Variants in SMARCAD1 observed in about 807,000 individuals in gnomAD.
SMARCAD1 encodes SNF2 related chromatin remodeling ATPase with DExD box 1, also known as SWI/SNF-related matrix-associated actin-dependent regulator of chromatin subfamily A containing DEAD/H box 1.
Under a neutral mutation model 127.1 loss-of-function variants are expected in SMARCAD1, and 25 were observed. That is an observed-to-expected ratio of 0.20 (90% CI 0.14 to 0.27). The LOEUF is 0.27. Among genes scored for constraint, SMARCAD1 ranks in the 10% least tolerant of loss-of-function variants. The pLI is 1.00. For synonymous variants in SMARCAD1, 400 were observed against 396.9 expected (o/e 1.01, Z -0.09); for missense variants, 807 against 1,206.0 (o/e 0.67, Z 4.90).
intron 10 of SMARCAD1, among the ~76,000 whole-genome samples, chr4:94,266,637 G>A (rs1249504816): frequency 6.6e-6 from 1 of 152,052 alleles, no homozygotes; most frequent in Admixed American, 6.6e-5. Context: ...TACTTAGTAT[G>A]TAGACATTTA....
In SMARCAD1 at chr4:94,290,054, A is replaced by T. The variant is rs781625529; in HGVS notation, c.*520A>T. The T allele has an allele frequency of 2.2e-5, 10 of 454,492 alleles. No individual in the cohort carries two copies. The highest frequency in any genetic ancestry group is 1.4e-4 in the South Asian group (9 of 64,474). The allele number at this position is 454,492 out of a possible 1,614,324, so 28.2% of individuals were successfully genotyped here. ...TTGCTATTTGAAGCAGATGTTCACC[A>T]ATGTCAGCAAGAACTCAACCTGAAT... On this transcript the variant is annotated 3_prime_UTR_variant, in exon 24 of 24. Transcript: ENST00000354268.
chr4:94,283,049 A>G, intron 21 of SMARCAD1, 72 bp from the exon 22 acceptor site: 1 of 1,292,858 alleles, frequency 7.7e-7, no homozygotes, highest in East Asian at 2.4e-5. Flanking sequence ...TCATGTGATA[A>G]TGATTGTTTT....
intron 16 of SMARCAD1, among the ~76,000 whole-genome samples, chr4:94,277,385 A>G (rs1172176160): frequency 6.6e-6 from 1 of 151,520 alleles, no homozygotes; most frequent in Non-Finnish European, 1.5e-5. Flanking sequence ...TTAATATCCT[A>G]ATTTTCTGAA....
rs1294202989 is a variant in SMARCAD1, at chr4:94,250,758, A to C, written c.814A>C (p.Arg272=). 1.9e-6 allele frequency: 3 copies of C among 1,594,594 alleles called. No individual in the cohort carries two copies. The highest frequency in any genetic ancestry group is 2.6e-6 in the Non-Finnish European group (3 of 1,172,770). Reference sequence around the variant, plus strand: ...ATAAATGACTTATTTCTAGGAACTTAGAGAAGTACTCAAGGAACATGAATG... The same window carrying C: ...ATAAATGACTTATTTCTAGGAACTTCGAGAAGTACTCAAGGAACATGAATG... The part of the protein sequence containing the change: ...EFPNFDKQEL[R]EVLKEHEWMY... The change falls in exon 8 of 24, where the codon AGA becomes CGA. Residue 272 remains arginine, a synonymous_variant. Transcript: ENST00000354268.
intron 3 of SMARCAD1, among the ~76,000 whole-genome samples, chr4:94,227,406 G>A (rs943851082): frequency 6.6e-6 from 1 of 152,194 alleles, no homozygotes; most frequent in African/African-American, 2.4e-5. Context: ...TGAGGGAGCA[G>A]TAGTAAAAGC....
chr4:94,290,249 T>C lies in SMARCAD1; in HGVS notation c.*715T>C. On this transcript the variant is annotated 3_prime_UTR_variant, in exon 24 of 24. Coordinates refer to ENST00000354268, the MANE Select transcript of SMARCAD1 (RefSeq NM_020159.5). Reference sequence around the variant, plus strand: ...TCTGTTCATTTTCCAACTGCACTAATTGTGCATATTACTCTGCCTAATCTT... The same window carrying C: ...TCTGTTCATTTTCCAACTGCACTAACTGTGCATATTACTCTGCCTAATCTT... 2.2e-6 allele frequency: 1 copy of C among 454,564 alleles called. No individual in the cohort carries two copies. Among genetic ancestry groups the C allele is most frequent in the Non-Finnish European group, 4.4e-6 (1 of 226,780 alleles). The allele number at this position is 454,564 out of a possible 1,614,324, so 28.2% of individuals were successfully genotyped here.
intron 3 of SMARCAD1, among the ~76,000 whole-genome samples, chr4:94,229,298 A>G (rs549448914): frequency 6.6e-6 from 1 of 152,298 alleles, no homozygotes; most frequent in South Asian, 2.1e-4. Flanking sequence ...TATACTAACC[A>G]GTGTTCTAGA....
In SMARCAD1 at chr4:94,290,887, C is replaced by T. The variant is rs887043270; in HGVS notation, c.*1353C>T. 8 of 453,386 alleles carry T rather than the reference C, an allele frequency of 1.8e-5. No individual in the cohort carries two copies. Among genetic ancestry groups the T allele is most frequent in the African/African-American group, 6.0e-5 (3 of 49,938 alleles). 28.1% of individuals were successfully genotyped at this position (453,386 alleles called of 1,614,324 possible). ...TAACTTGCTAAGATGCTAGGTAGTA[C>T]GACCCTCTGGATTTGGAAGGCAAAT... On this transcript the variant is annotated 3_prime_UTR_variant, in exon 24 of 24. Coordinates refer to ENST00000354268, the MANE Select transcript of SMARCAD1 (RefSeq NM_020159.5).
At chr4:94,265,811 A>G (rs1751663724) in intron 10 of SMARCAD1, among the ~76,000 whole-genome samples, 1 of 152,084 alleles carries the variant, frequency 6.6e-6, no homozygotes, top group Non-Finnish European at 1.5e-5. Flanking sequence ...ATACTTTGCA[A>G]TGTTACACAA....
rs1744997952 is a variant in SMARCAD1 at position 94,226,394 on chromosome 4, T to G, written c.368+98T>G. 2.8e-5 allele frequency: 20 copies of G among 719,470 alleles called. 2 individuals are homozygous for G. In the South Asian group the frequency reaches 3.3e-4, roughly 12 times the overall value. 44.6% of individuals were successfully genotyped at this position (719,470 alleles called of 1,614,324 possible). On this transcript the variant is annotated intron_variant, in intron 3 of 23. Transcript: ENST00000354268. ...AGATATTTTGGTGACTTCCCTTTTT[T>G]TTTTTTTCTTTTTTTTTTTTGCCCC...
At chr4:94,261,675 T>C (rs1751011556) in intron 9 of SMARCAD1, among the ~76,000 whole-genome samples, 1 of 152,180 alleles carries the variant, frequency 6.6e-6, no homozygotes, top group African/African-American at 2.4e-5. Flanking sequence ...TGCAGTGGCG[T>C]CTTGGCTCAC....
intron 3 of SMARCAD1, 105 bp downstream of exon 3, chr4:94,226,401 T>TTA: frequency 7.2e-6 from 4 of 557,870 alleles, no homozygotes; most frequent in Admixed American, 5.0e-5. Flanking sequence ...TTTTTTTTTT[T>TTA]CTTTTTTTTT....
At chr4:94,280,214 T>C (rs1753833796) in intron 19 of SMARCAD1, among the ~76,000 whole-genome samples, 1 of 152,150 alleles carries the variant, frequency 6.6e-6, no homozygotes, top group Non-Finnish European at 1.5e-5. Flanking sequence ...TTATGGAGAA[T>C]TTCAAACATT....
intron 6 of SMARCAD1, among the ~76,000 whole-genome samples, chr4:94,246,783 GTAT>G (rs1431916887): frequency 2.0e-5 from 3 of 152,174 alleles, no homozygotes; most frequent in Non-Finnish European, 2.9e-5. Context: ...CATGAGTACT[GTAT>G]TATTTGAGAG....
intron 2 of SMARCAD1, 143 bp downstream of exon 2, chr4:94,208,727 A>G: frequency 1.2e-6 from 1 of 817,064 alleles, no homozygotes; most frequent in South Asian, 1.6e-5. Flanking sequence ...CAGCTTTGGG[A>G]CTGCCATAAG....
At chr4:94,255,545 T>G in intron 9 of SMARCAD1, among the ~76,000 whole-genome samples, 1 of 152,048 alleles carries the variant, frequency 6.6e-6, no homozygotes, top group East Asian at 1.9e-4. Context: ...CATATAAATG[T>G]AATATAAGTG....
chr4:94,234,588 C>G (rs1270813015), intron 4 of SMARCAD1, among the ~76,000 whole-genome samples: 1 of 152,164 alleles, frequency 6.6e-6, no homozygotes, highest in Non-Finnish European at 1.5e-5. Flanking sequence ...GATTTAACTA[C>G]AGAAACAAAG....
chr4:94,290,417 A>G lies in SMARCAD1; in HGVS notation c.*883A>G, dbSNP rs562252318. The stretch of plus-strand genomic sequence containing the variant: ...CATGCATCAGCAAAATGTTGGTGAC[A>G]TTTTTCTAGCCTGGCAGAACAGATT... On this transcript the variant is annotated 3_prime_UTR_variant, in exon 24 of 24. Coordinates refer to ENST00000354268, the MANE Select transcript of SMARCAD1 (RefSeq NM_020159.5). 1.1e-5 allele frequency: 5 copies of G among 454,350 alleles called. No homozygotes were observed. The highest frequency in any genetic ancestry group is 2.2e-5 in the Non-Finnish European group (5 of 226,782). The allele number at this position is 454,350 out of a possible 1,614,324, so 28.1% of individuals were successfully genotyped here. A position where few individuals can be genotyped will look rare whatever the true frequency, so the allele number is the denominator to read the frequency against.
At chr4:94,229,682 G>A (rs1358807156) in intron 3 of SMARCAD1, among the ~76,000 whole-genome samples, 1 of 152,040 alleles carries the variant, frequency 6.6e-6, no homozygotes, top group African/African-American at 2.4e-5. Context: ...TTCTTTCTTT[G>A]CTGCTGGTGA....
Sources: gnomAD v4.1 joint callset for allele counts (sites outside exome capture counted in the v4.1 genomes callset) on GRCh38, gnomAD v4.1.1 for gene constraint, MANE v1.5 for transcripts, NCBI Gene and HGNC (gene_info 2026-07-23, HGNC 2026-07-21) for gene names.